Variants in TRAPPC9 observed in about 807,000 individuals in gnomAD.
TRAPPC9 encodes trafficking protein particle complex subunit 9.
TRAPPC9 carries 83 observed loss-of-function variants against 124.0 expected under a neutral mutation model. The observed-to-expected ratio is 0.67, with a 90% CI of 0.56 to 0.80. TRAPPC9 has a LOEUF of 0.80. Ranked by LOEUF, TRAPPC9 falls within the 30% of genes least tolerant of loss-of-function variation. The pLI, the probability that TRAPPC9 is intolerant of heterozygous loss-of-function variation, is 0.00. For synonymous variants in TRAPPC9, 638 were observed against 617.5 expected (o/e 1.03, Z -0.49); for missense variants, 1,302 against 1,508.3 (o/e 0.86, Z 2.27).
At chr8:139,863,310 G>A (rs1465078970) in intron 21 of TRAPPC9, among the ~76,000 whole-genome samples, 1 of 152,208 alleles carries the variant, frequency 6.6e-6, no homozygotes, top group Admixed American at 6.5e-5. Flanking sequence ...TTGCAGAGAC[G>A]GAAAGGGCCA....
intron 19 of TRAPPC9, among the ~76,000 whole-genome samples, chr8:139,953,708 G>A (rs965698226): frequency 1.3e-5 from 2 of 152,088 alleles, no homozygotes; most frequent in Admixed American, 1.3e-4. Flanking sequence ...ATGCAAGAGT[G>A]ACAAAACAAA....
chr8:140,381,788 T>A (rs2068618622), intron 7 of TRAPPC9, among the ~76,000 whole-genome samples: 1 of 149,888 alleles, frequency 6.7e-6, no homozygotes, highest in African/African-American at 2.5e-5. Flanking sequence ...ATGGCTCTCA[T>A]CAAAAGATGG....
intron 21 of TRAPPC9, among the ~76,000 whole-genome samples, chr8:139,879,841 T>C (rs1829568709): frequency 6.6e-6 from 1 of 152,194 alleles, no homozygotes; most frequent in African/African-American, 2.4e-5. Context: ...CCCTGCAAGG[T>C]GGGTGAGTCA....
chr8:140,106,035 TAAAAAAAAA>T (rs200155377), intron 17 of TRAPPC9, among the ~76,000 whole-genome samples: 2 of 96,600 alleles, frequency 2.1e-5, no homozygotes, highest in Non-Finnish European at 4.5e-5. Flanking sequence ...AATGATGAAC[TAAAAAAAAA>T]AAAAAAAAGT....
rs969380245 is a variant in TRAPPC9 at position 140,066,935 on chromosome 8, T to C, written c.2557-42856A>G. Among the ~76,000 whole-genome samples, 3 of 152,322 alleles carry C rather than the reference T, an allele frequency of 2.0e-5. No individual in the cohort carries two copies. The East Asian group carries it at 5.8e-4, about 29-fold the overall frequency. ...CTCCTGCATGTGAAGCCAAGCCATC[T>C]ACTGACAGGCACCCTCTCCAGGTTC... On this transcript the variant is annotated intron_variant, in intron 17 of 22. Coordinates refer to ENST00000438773, the MANE Select transcript of TRAPPC9 (RefSeq NM_001160372.4).
chr8:140,260,291 C>T (rs968009217), intron 15 of TRAPPC9, among the ~76,000 whole-genome samples: 2 of 152,050 alleles, frequency 1.3e-5, no homozygotes, highest in East Asian at 1.9e-4. Context: ...GCCCGTGGCT[C>T]GAGAGTGAAG....
chr8:139,839,899 C>T (rs945181715), intron 21 of TRAPPC9, among the ~76,000 whole-genome samples: 11 of 152,222 alleles, frequency 7.2e-5, no homozygotes, highest in African/African-American at 9.6e-5. Context: ...CCTGCTTTCA[C>T]GGCAGTTTTC....
At chr8:140,369,552 A>T (rs900974739) in intron 8 of TRAPPC9, among the ~76,000 whole-genome samples, 1 of 152,244 alleles carries the variant, frequency 6.6e-6, no homozygotes, top group East Asian at 1.9e-4. Context: ...GGAGAGCCCT[A>T]ACTATCAGAA....
At chr8:140,328,820 A>G (rs919472195) in intron 9 of TRAPPC9, among the ~76,000 whole-genome samples, 11 of 152,106 alleles carry the variant, frequency 7.2e-5, no homozygotes, top group Admixed American at 2.0e-4. Flanking sequence ...TAATTTACGA[A>G]TTAGGGTGAA....
In TRAPPC9 at chr8:139,776,656, G is replaced by A. The variant is rs1821406713; in HGVS notation, c.3056-44454C>T. 6.6e-6 allele frequency among the ~76,000 whole-genome samples: 1 copy of A among 152,078 alleles called. No individual in the cohort carries two copies. The highest frequency in any genetic ancestry group is 2.4e-5 in the African/African-American group (1 of 41,414). ...TCCCGTCATCTGCCTGTGTGCACGT[G>A]TGTGTCTGTGTGTGTGTGCGCACAC... On this transcript the variant is annotated intron_variant, in intron 21 of 22. Transcript: ENST00000438773. This position sits in a 1 kb window ranked among gnomAD's most constrained non-coding sequence, Gnocchi z 4.1.
intron 17 of TRAPPC9, among the ~76,000 whole-genome samples, chr8:140,158,446 C>T (rs2061691104): frequency 6.6e-6 from 1 of 152,142 alleles, no homozygotes; most frequent in Non-Finnish European, 1.5e-5. Flanking sequence ...CCTGCAGAAG[C>T]CAGGAGGGCA....
At chr8:139,964,436 C>T (rs1164902989) in intron 19 of TRAPPC9, among the ~76,000 whole-genome samples, 8 of 152,040 alleles carry the variant, frequency 5.3e-5, no homozygotes, top group African/African-American at 1.7e-4. Flanking sequence ...AAGAATCCTC[C>T]GCCTTGGAGA....
chr8:140,376,118 A>G (rs189777021), intron 7 of TRAPPC9, among the ~76,000 whole-genome samples: 2 of 152,334 alleles, frequency 1.3e-5, no homozygotes, highest in Admixed American at 1.3e-4. Context: ...TTTATAAAGC[A>G]TCTGTCTAAA....
chr8:139,920,259 T>C (rs913864208), intron 19 of TRAPPC9, among the ~76,000 whole-genome samples: 2 of 152,166 alleles, frequency 1.3e-5, no homozygotes, highest in Non-Finnish European at 2.9e-5. Flanking sequence ...GGCAGGAGAA[T>C]AACCTGGACT....
chr8:140,111,806 G>C (rs2130509066), intron 17 of TRAPPC9, among the ~76,000 whole-genome samples: 1 of 152,358 alleles, frequency 6.6e-6, no homozygotes, highest in Non-Finnish European at 1.5e-5. Context: ...CGGTGTGATA[G>C]ATTAACATAC....
chr8:140,349,820 G>A (rs1050055217), intron 9 of TRAPPC9, among the ~76,000 whole-genome samples: 1 of 152,196 alleles, frequency 6.6e-6, no homozygotes, highest in Non-Finnish European at 1.5e-5. Context: ...AAGAAGACCT[G>A]ATGAGGGTAA....
Position 139,762,705 on chromosome 8 carries a change from C to A in TRAPPC9, c.3056-30503G>T, listed in dbSNP as rs75003980. On this transcript the variant is annotated intron_variant, in intron 21 of 22. Transcript: ENST00000438773. Reference sequence around the variant, plus strand: ...GACTGTAATTTAATCCTCTCCACTGCCCTCTTCTCCCCTAGAGTATACATG... The same window carrying A: ...GACTGTAATTTAATCCTCTCCACTGACCTCTTCTCCCCTAGAGTATACATG... Among the ~76,000 whole-genome samples the A allele has an allele frequency of 5.4e-3, 822 of 152,336 alleles. 6 individuals are homozygous for A. Among genetic ancestry groups the A allele is most frequent in the African/African-American group, 0.018 (768 of 41,584 alleles).
intron 6 of TRAPPC9, among the ~76,000 whole-genome samples, chr8:140,403,728 G>C (rs2069364376): frequency 6.6e-6 from 1 of 151,684 alleles, no homozygotes; most frequent in African/African-American, 2.4e-5. Context: ...TGTGATCTCG[G>C]CTCACTGCAA....
chr8:140,252,512 A>C lies in TRAPPC9; in HGVS notation c.2431+265T>G, dbSNP rs1411582841. On this transcript the variant is annotated intron_variant, in intron 16 of 22. Transcript: ENST00000438773. This position sits in a 1 kb window ranked among gnomAD's most constrained non-coding sequence, Gnocchi z 4.2. ...AAAAACGCAGTAATTCCTACATTCC[A>C]CTAATTTAGAATGACCTGCTGGTAA... is the stretch of plus-strand genomic sequence containing the variant. The C allele has an allele frequency of 6.6e-6, 3 of 456,900 alleles. No individual in the cohort carries two copies. Among genetic ancestry groups the C allele is most frequent in the East Asian group, 3.9e-5 (1 of 25,384 alleles). The allele number at this position is 456,900 out of a possible 1,614,324, so 28.3% of individuals were successfully genotyped here.
Sources: gnomAD v4.1 joint callset for allele counts (sites outside exome capture counted in the v4.1 genomes callset) on GRCh38, gnomAD v4.1.1 for gene constraint, Gnocchi (gnomAD v3.1) non-coding constraint, MANE v1.5 for transcripts, NCBI Gene and HGNC (gene_info 2026-07-23, HGNC 2026-07-21) for gene names.